The following PHLPP1 variants were observed in gnomAD, a reference collection of about 807,000 sequenced individuals.
PHLPP1 encodes the protein PH domain and leucine rich repeat protein phosphatase 1, also known as PH domain leucine-rich repeat-containing protein phosphatase 1.
A neutral mutation model predicts 117.2 loss-of-function variants in PHLPP1; 42 were observed. The ratio of observed to expected loss-of-function variants is 0.36; its 90% CI spans 0.28 to 0.46. The LOEUF (loss-of-function observed/expected upper bound fraction) is 0.46, where lower values mean the gene tolerates loss of function less well. PHLPP1 is among the 20% of genes least tolerant of loss of function. The pLI, the probability that PHLPP1 is intolerant of heterozygous loss-of-function variation, is 1.00. For missense variants in PHLPP1, 2,084 were observed against 2,241.9 expected (o/e 0.93, Z 1.42); for synonymous variants, 1,042 against 970.7 (o/e 1.07, Z -1.37).
intron 16 of PHLPP1, among the ~76,000 whole-genome samples, chr18:62,976,304 T>C (rs1185932849): frequency 6.6e-6 from 1 of 152,180 alleles, no homozygotes; most frequent in African/African-American, 2.4e-5. Flanking sequence ...CACCCCACAA[T>C]GCACAGGGCA....
intron 1 of PHLPP1, among the ~76,000 whole-genome samples, chr18:62,823,542 G>A (rs1914525714): frequency 6.6e-6 from 1 of 151,116 alleles, no homozygotes; most frequent in Non-Finnish European, 1.5e-5. Flanking sequence ...TCCAGCCTGG[G>A]CAACAGCAAG....
At chr18:62,971,973 C>T (rs1599147947) in intron 14 of PHLPP1, among the ~76,000 whole-genome samples, 1 of 151,320 alleles carries the variant, frequency 6.6e-6, no homozygotes. Context: ...GAAGTGGAGA[C>T]TGCAGTGAGC....
rs59776161 is a variant in PHLPP1 at position 62,772,830 on chromosome 18, C to CAAAAAAAA, written c.1576+55583_1576+55590dup. On this transcript the variant is annotated intron_variant, in intron 1 of 16. Coordinates refer to ENST00000262719, the MANE Select transcript of PHLPP1 (RefSeq NM_194449.4). ...TGGGCTACTAAGCAAGACTCTTTCT[C>CAAAAAAAA]AAAAAAAAAAAAAAAAAAAGATTTT... 1.3e-3 allele frequency among the ~76,000 whole-genome samples: 80 copies of CAAAAAAAA among 61,040 alleles called. 4 individuals carry two copies. The highest frequency in any genetic ancestry group is 5.2e-3 in the African/African-American group (72 of 13,790). The allele number at this position is 61,040 out of a possible 152,430, so 40.0% of individuals were successfully genotyped here.
intron 1 of PHLPP1, among the ~76,000 whole-genome samples, chr18:62,785,370 C>T (rs1913250225): frequency 6.6e-6 from 1 of 152,160 alleles, no homozygotes; most frequent in African/African-American, 2.4e-5. Context: ...GAGGGAGAAG[C>T]GGTTGCTCTG....
chr18:62,962,085 C>T (rs192967226), intron 13 of PHLPP1, among the ~76,000 whole-genome samples: 75 of 152,236 alleles, frequency 4.9e-4, no homozygotes, highest in Admixed American at 9.2e-4. Flanking sequence ...CAGTTGTCAG[C>T]AGATAATACA....
chr18:62,836,743 A>C (rs1006721800), intron 2 of PHLPP1, among the ~76,000 whole-genome samples: 3 of 146,390 alleles, frequency 2.0e-5, no homozygotes, highest in African/African-American at 7.5e-5. Context: ...TGAGACATTA[A>C]AAAAAAAAAA....
At chr18:62,775,219 T>C (rs1337443287) in intron 1 of PHLPP1, among the ~76,000 whole-genome samples, 2 of 152,158 alleles carry the variant, frequency 1.3e-5, no homozygotes, top group Non-Finnish European at 2.9e-5. Flanking sequence ...TGCCTCAGCC[T>C]CCTGAGTAGC....
At chr18:62,856,044 G>T (rs982930416) in intron 3 of PHLPP1, among the ~76,000 whole-genome samples, 3 of 152,168 alleles carry the variant, frequency 2.0e-5, no homozygotes, top group Non-Finnish European at 4.4e-5. Context: ...CCATGGTACA[G>T]TAGGCCCTTC....
In PHLPP1 at chr18:62,715,935, G is replaced by T. The variant is rs1045009351; in HGVS notation, c.252G>T (p.Pro84=). 1 of 1,121,218 alleles carries T rather than the reference G, an allele frequency of 8.9e-7. No homozygotes were observed. The allele number at this position is 1,121,218 out of a possible 1,614,324, so 69.5% of individuals were successfully genotyped here. The change falls in exon 1 of 17, where the codon CCG becomes CCT. Residue 84 remains proline (P), a synonymous_variant. Coordinates refer to ENST00000262719, the MANE Select transcript of PHLPP1 (RefSeq NM_194449.4). ...APGEAPPGPL[P]GRAGGAGRRR... ...GCGAGGCGCCGCCGGGGCCGCTGCC[G>T]GGCAGAGCGGGGGGTGCCGGGCGCA...
In PHLPP1 at chr18:62,716,964, CG is replaced by C; in HGVS notation, c.1285del (p.Ala429ProfsTer29). 3 of 1,539,292 alleles carry C rather than the reference CG, an allele frequency of 1.9e-6. No individual in the cohort carries two copies. On this transcript the variant is annotated frameshift_variant, in exon 1 of 17. Transcript: ENST00000262719. LOFTEE classifies it high-confidence loss of function. The surrounding 1 kb of genome is among the most constrained non-coding windows in gnomAD (Gnocchi z 5.7). ...KAPRAIDSPG[G>X]AVREGSCEEK... ...CCCCGAGGGCCATTGACAGCCCGGG[CG>C]GGGCCGTCCGCGAGGGGTCGTGCGA...
intron 4 of PHLPP1, among the ~76,000 whole-genome samples, chr18:62,864,561 A>G (rs1915723454): frequency 6.6e-6 from 1 of 152,254 alleles, no homozygotes. Context: ...TCAATTTAAG[A>G]AAACATTCAG....
At chr18:62,771,192 C>T (rs891764535) in intron 1 of PHLPP1, among the ~76,000 whole-genome samples, 25 of 138,222 alleles carry the variant, frequency 1.8e-4, no homozygotes, top group African/African-American at 4.9e-4. Flanking sequence ...CCAGCCTGGG[C>T]GACAGAGTGA....
chr18:62,948,955 A>G (rs1910375079), intron 12 of PHLPP1, among the ~76,000 whole-genome samples: 2 of 152,280 alleles, frequency 1.3e-5, no homozygotes, highest in Admixed American at 1.3e-4. Context: ...TTCATTGTAA[A>G]GTGTGCCTAT....
chr18:62,889,943 G>C (rs1464326710), intron 4 of PHLPP1, among the ~76,000 whole-genome samples: 2 of 152,046 alleles, frequency 1.3e-5, no homozygotes, highest in Non-Finnish European at 2.9e-5. Flanking sequence ...ATTAGGACTA[G>C]TCCCATTTCA....
intron 1 of PHLPP1, among the ~76,000 whole-genome samples, chr18:62,788,365 G>A (rs997122176): frequency 2.6e-5 from 4 of 152,152 alleles, no homozygotes; most frequent in African/African-American, 9.7e-5. Context: ...GACTAAGCAG[G>A]ACTTGCAGTG....
intron 2 of PHLPP1, among the ~76,000 whole-genome samples, chr18:62,835,776 C>CTTT (rs747058557): frequency 4.1e-3 from 388 of 94,404 alleles, no homozygotes; most frequent in Non-Finnish European, 5.6e-3. Context: ...TCAACTGGTT[C>CTTT]TTTTTTTTTT....
intron 4 of PHLPP1, among the ~76,000 whole-genome samples, chr18:62,872,325 G>C (rs1038243371): frequency 6.6e-6 from 1 of 152,180 alleles, no homozygotes; most frequent in East Asian, 1.9e-4. Flanking sequence ...GTCTCTTGTG[G>C]TCAGAATGTT....
intron 11 of PHLPP1, among the ~76,000 whole-genome samples, chr18:62,943,384 A>T (rs932193225): frequency 5.9e-5 from 9 of 152,142 alleles, no homozygotes; most frequent in African/African-American, 1.4e-4. Flanking sequence ...CCATCTAGTC[A>T]TTTTGTCTTC....
chr18:62,854,513 C>A (rs762040772), intron 3 of PHLPP1, among the ~76,000 whole-genome samples: 1 of 152,140 alleles, frequency 6.6e-6, no homozygotes, highest in Non-Finnish European at 1.5e-5. Flanking sequence ...TGTCTCTGAC[C>A]ACCTTGTCTT....
Sources: gnomAD v4.1 joint callset for allele counts (sites outside exome capture counted in the v4.1 genomes callset) on GRCh38, gnomAD v4.1.1 for gene constraint, Gnocchi (gnomAD v3.1) non-coding constraint, MANE v1.5 for transcripts, NCBI Gene and HGNC (gene_info 2026-07-23, HGNC 2026-07-21) for gene names.